ZNF462: variants seen among roughly 807,000 people sequenced by gnomAD.
ZNF462 encodes the protein zinc finger protein 462, also known as zinc finger PBX1-interacting protein.
Under a neutral mutation model 201.9 loss-of-function variants are expected in ZNF462, and 10 were observed. The observed-to-expected ratio is 0.05, with a 90% CI of 0.03 to 0.08. The LOEUF (loss-of-function observed/expected upper bound fraction) is 0.08. ZNF462 is among the 10% of genes least tolerant of loss of function. The pLI is 1.00. For synonymous variants in ZNF462, 1,227 were observed against 1,193.3 expected (o/e 1.03, Z -0.58); for missense variants, 2,523 against 3,168.3 (o/e 0.80, Z 4.89).
intron 1 of ZNF462, among the ~76,000 whole-genome samples, chr9:106,863,933 C>G (rs1161114661): frequency 6.6e-6 from 1 of 151,922 alleles, no homozygotes; most frequent in African/African-American, 2.4e-5. Context: ...GGGTTGACCT[C>G]TTTCTTTCTC....
Position 106,928,717 on chromosome 9 carries a change from A to G in ZNF462, c.4805A>G (p.Gln1602Arg), listed in dbSNP as rs367860852. Reference sequence around the variant, plus strand: ...ATCCACTACGAGAAGTATCACAATCAGCCTGAATTTGATGTCTTTTCCCAG... The same window carrying G: ...ATCCACTACGAGAAGTATCACAATCGGCCTGAATTTGATGTCTTTTCCCAG... ...LKIHYEKYHN[Q>R]PEFDVFSQSP... is the part of the protein sequence containing the mutation. The change falls in exon 3 of 13, where the codon CAG (glutamine) becomes CGG (arginine). Residue 1602 changes from glutamine to arginine, a missense_variant. By Grantham distance (43) the Gln-to-Arg change is conservative (BLOSUM62 1). This residue lies in a region of ZNF462 where 200 missense variants were observed against 281.3 expected (regional missense o/e 0.71). Transcript: ENST00000277225. The surrounding 1 kb of genome is among the most constrained non-coding windows in gnomAD (Gnocchi z 9.3). 120 of 1,614,016 alleles carry G rather than the reference A, an allele frequency of 7.4e-5. No individual in the cohort carries two copies. Among genetic ancestry groups the G allele is most frequent in the Non-Finnish European group, 9.5e-5 (112 of 1,180,042 alleles).
chr9:106,957,161 G>C (rs184010557), intron 7 of ZNF462, among the ~76,000 whole-genome samples: 2 of 152,204 alleles, frequency 1.3e-5, no homozygotes, highest in African/African-American at 4.8e-5. Flanking sequence ...TAAGGCGAGA[G>C]ACGTGTGACT....
In ZNF462 at chr9:106,928,487, C is replaced by T; in HGVS notation, c.4575C>T (p.Thr1525=). The T allele has an allele frequency of 6.2e-7, 1 of 1,614,154 alleles. No individual in the cohort carries two copies. Among genetic ancestry groups the T allele is most frequent in the East Asian group, 2.2e-5 (1 of 44,866 alleles). Residue 1525 remains threonine, a synonymous_variant, in exon 3 of 13, where the codon ACC becomes ACT. Transcript: ENST00000277225. The surrounding 1 kb of genome is among the most constrained non-coding windows in gnomAD (Gnocchi z 9.3). ...GCAGGCATTGCCCATACATCAACAC[C>T]CGCATCCACGGCGTACTGACCCACT... The part of the protein sequence containing the change: ...YKCRHCPYIN[T]RIHGVLTHYQ...
chr9:106,923,748 ATCTC>A lies in ZNF462; in HGVS notation c.220+148_220+151del. ...CATTTTTGTGGTTTGGGCATCATGT[ATCTC>A]TCCTTGAGTACCTTAGGTTTTATCC... On this transcript the variant is annotated intron_variant, in intron 2 of 12. Transcript: ENST00000277225. The surrounding 1 kb of genome is among the most constrained non-coding windows in gnomAD (Gnocchi z 5.6). 7.9e-6 allele frequency: 6 copies of A among 758,158 alleles called. No homozygotes were observed. In the South Asian group the frequency reaches 1.1e-4, roughly 14 times the overall value. The allele number at this position is 758,158 out of a possible 1,614,324, so 47.0% of individuals were successfully genotyped here. A position where few individuals can be genotyped will look rare whatever the true frequency, so the allele number is the denominator to read the frequency against.
At position 106,913,959 on chromosome 9, in the gene ZNF462, A is replaced by G. The variant is rs953866411; in HGVS notation, c.-30-9395A>G. On this transcript the variant is annotated intron_variant, in intron 1 of 12. Transcript: ENST00000277225. This position sits in a 1 kb window ranked among gnomAD's most constrained non-coding sequence, Gnocchi z 4.1. ...ACTCACAAAACTCACAGGATTATCA[A>G]CTGTGCAAAGGTGGATACAAAGGCC... Among the ~76,000 whole-genome samples the G allele has an allele frequency of 6.7e-6, 1 of 150,120 alleles. No individual in the cohort carries two copies. Among genetic ancestry groups the G allele is most frequent in the African/African-American group, 2.4e-5 (1 of 41,172 alleles).
rs1250739900 is a variant in ZNF462 at position 106,932,569 on chromosome 9, C to T, written c.6116+20C>T. The T allele has an allele frequency of 2.5e-6, 4 of 1,613,996 alleles. No homozygotes were observed. The highest frequency in any genetic ancestry group is 3.3e-5 in the Admixed American group (2 of 60,004). On this transcript the variant is annotated intron_variant, in intron 5 of 12. Transcript: ENST00000277225. The surrounding 1 kb of genome is among the most constrained non-coding windows in gnomAD (Gnocchi z 6.8). Reference sequence around the variant, plus strand: ...GCACAAGTAAGTGCTATTGGGGGGTCACTAGTGGTTACTGGGAGATGATGT... The same window carrying T: ...GCACAAGTAAGTGCTATTGGGGGGTTACTAGTGGTTACTGGGAGATGATGT...
chr9:106,966,341 T>A lies in ZNF462; in HGVS notation c.6428-5664T>A, dbSNP rs189655970. Among the ~76,000 whole-genome samples, 21 of 152,226 alleles carry A rather than the reference T, an allele frequency of 1.4e-4. No individual in the cohort carries two copies. In the East Asian group the frequency reaches 3.9e-3, roughly 28 times the overall value. ...GATAATAATGTAGTTGTTGAATTTC[T>A]GTTTAGTTTCTCCAAAATGTACGAC... On this transcript the variant is annotated intron_variant, in intron 7 of 12. Transcript: ENST00000277225. This position sits in a 1 kb window ranked among gnomAD's most constrained non-coding sequence, Gnocchi z 4.4.
intron 1 of ZNF462, among the ~76,000 whole-genome samples, chr9:106,875,409 A>G (rs1029655827): frequency 3.9e-5 from 6 of 152,214 alleles, no homozygotes; most frequent in Non-Finnish European, 7.3e-5. Flanking sequence ...AAACCTGTTA[A>G]GTCGATTGAA....
At chr9:106,879,341 C>T (rs1232382872) in intron 1 of ZNF462, among the ~76,000 whole-genome samples, 1 of 114,102 alleles carries the variant, frequency 8.8e-6, no homozygotes, top group Non-Finnish European at 1.8e-5. Flanking sequence ...CACCCCCCCC[C>T]CCACCCCCCA....
intron 1 of ZNF462, among the ~76,000 whole-genome samples, chr9:106,879,807 G>A (rs1828013724): frequency 1.3e-5 from 2 of 152,084 alleles, no homozygotes; most frequent in Admixed American, 6.5e-5. Context: ...ACAATTTGAG[G>A]GGTAGATTGT....
chr9:106,986,969 A>G (rs1051379422), intron 10 of ZNF462, among the ~76,000 whole-genome samples: 1 of 147,080 alleles, frequency 6.8e-6, no homozygotes, highest in Non-Finnish European at 1.5e-5. Context: ...GCTGAGTAGT[A>G]TTCCATCATA....
intron 6 of ZNF462, among the ~76,000 whole-genome samples, chr9:106,936,180 G>A (rs1830623890): frequency 6.6e-6 from 1 of 152,198 alleles, no homozygotes; most frequent in African/African-American, 2.4e-5. Context: ...AATTGGAAAT[G>A]AAAGAAGAAA....
rs1412284606 is a variant in ZNF462 at position 106,972,374 on chromosome 9, G to A, written c.6695+102G>A. On this transcript the variant is annotated intron_variant, in intron 8 of 12. Transcript: ENST00000277225. This position sits in a 1 kb window ranked among gnomAD's most constrained non-coding sequence, Gnocchi z 4.8. ...ACTTTCCTACTTGGAGCTTATGGGAGGCCCTGCCCATGTGATGATGTAGGG... is the reference window on the plus strand; with the variant it reads ...ACTTTCCTACTTGGAGCTTATGGGAAGCCCTGCCCATGTGATGATGTAGGG... 8.8e-6 allele frequency: 13 copies of A among 1,484,846 alleles called. No homozygotes were observed. Among genetic ancestry groups the A allele is most frequent in the Non-Finnish European group, 1.2e-5 (13 of 1,107,230 alleles). The allele number at this position is 1,484,846 out of a possible 1,614,324, so 92.0% of individuals were successfully genotyped here.
intron 1 of ZNF462, 134 bp downstream of exon 1, chr9:106,863,489 C>A: frequency 3.2e-6 from 1 of 311,146 alleles, no homozygotes; most frequent in Non-Finnish European, 5.9e-6. Context: ...GAGAGGAAGT[C>A]CCCTGCATGG....
rs771972274 is a variant in ZNF462, at chr9:106,932,964, T to C, written c.6116+415T>C. On this transcript the variant is annotated intron_variant, in intron 5 of 12. Transcript: ENST00000277225. This position sits in a 1 kb window ranked among gnomAD's most constrained non-coding sequence, Gnocchi z 6.8. ...ATTAACCCATGTGACCAAAGAAACA[T>C]TGCTTGCAATTTTTCAAAAGATCTT... Among the ~76,000 whole-genome samples the C allele has an allele frequency of 2.8e-4, 42 of 152,296 alleles. No homozygotes were observed. The highest frequency in any genetic ancestry group is 3.4e-3 in the Middle Eastern group (1 of 294).
At chr9:106,921,699 A>T (rs1829999762) in intron 1 of ZNF462, among the ~76,000 whole-genome samples, 1 of 152,304 alleles carries the variant, frequency 6.6e-6, no homozygotes, top group African/African-American at 2.4e-5. Context: ...TAAATGCAGG[A>T]GTTGTCTGCA....
Position 107,010,187 on chromosome 9 carries a change from C to G in ZNF462, c.7313+519C>G, listed in dbSNP as rs1456521440. On this transcript the variant is annotated intron_variant, in intron 12 of 12. Coordinates refer to ENST00000277225, the MANE Select transcript of ZNF462 (RefSeq NM_021224.6). This position sits in a 1 kb window ranked among gnomAD's most constrained non-coding sequence, Gnocchi z 4.6. ...CAGCCCCTCAACAAGGCACGTTAGT[C>G]CACCAGATGCAGAGAGAACCTAGGA... Among the ~76,000 whole-genome samples, 1 of 152,094 alleles carries G rather than the reference C, an allele frequency of 6.6e-6. No individual in the cohort carries two copies. Among genetic ancestry groups the G allele is most frequent in the African/African-American group, 2.4e-5 (1 of 41,422 alleles).
rs1564135932 is a variant in ZNF462, at chr9:106,963,432, T to G, written c.6428-8573T>G. Reference sequence around the variant, plus strand: ...TACCTTTCCAGGCACTTCTAAGCAATTGAGATACATCAGCGAAAAAGACAG... The same window carrying G: ...TACCTTTCCAGGCACTTCTAAGCAAGTGAGATACATCAGCGAAAAAGACAG... On this transcript the variant is annotated intron_variant, in intron 7 of 12. Coordinates refer to ENST00000277225, the MANE Select transcript of ZNF462 (RefSeq NM_021224.6). This position sits in a 1 kb window ranked among gnomAD's most constrained non-coding sequence, Gnocchi z 4.7. Among the ~76,000 whole-genome samples the G allele has an allele frequency of 1.3e-5, 2 of 152,034 alleles. No individual in the cohort carries two copies. Among genetic ancestry groups the G allele is most frequent in the Non-Finnish European group, 2.9e-5 (2 of 67,968 alleles).
intron 1 of ZNF462, among the ~76,000 whole-genome samples, chr9:106,893,262 C>T (rs1376643757): frequency 6.6e-6 from 1 of 152,210 alleles, no homozygotes; most frequent in Non-Finnish European, 1.5e-5. Flanking sequence ...ACCTTGTCTT[C>T]TGACCAGCCC....
Sources: gnomAD v4.1 joint callset for allele counts (sites outside exome capture counted in the v4.1 genomes callset) on GRCh38, gnomAD v4.1.1 for gene constraint, gnomAD v4.1.1 regional missense constraint, Gnocchi (gnomAD v3.1) non-coding constraint, MANE v1.5 for transcripts, NCBI Gene and HGNC (gene_info 2026-07-23, HGNC 2026-07-21) for gene names.